Variants in PLCH2 observed in about 807,000 individuals in gnomAD.
PLCH2 encodes phospholipase C eta 2.
Under a neutral mutation model 134.7 loss-of-function variants are expected in PLCH2, and 98 were observed. The ratio of observed to expected loss-of-function variants is 0.73; its 90% CI spans 0.62 to 0.86. PLCH2 has a LOEUF of 0.86. Ranked by LOEUF, PLCH2 falls within the 40% of genes least tolerant of loss-of-function variation. The pLI is 0.00. For missense variants in PLCH2, 1,994 were observed against 1,986.6 expected (o/e 1.00, Z -0.07); for synonymous variants, 974 against 827.5 (o/e 1.18, Z -3.04).
chr1:2,444,385 T>A lies in PLCH2; in HGVS notation c.115+13756T>A, dbSNP rs1269634415. Among the ~76,000 whole-genome samples, 1 of 152,168 alleles carries A rather than the reference T, an allele frequency of 6.6e-6. No individual in the cohort carries two copies. Among genetic ancestry groups the A allele is most frequent in the African/African-American group, 2.4e-5 (1 of 41,450 alleles). ...CTGCGTGGACTTGCCGCATGGCACA[T>A]CTGCCTGGGCTGCAGGTGCTCATCT... On this transcript the variant is annotated intron_variant, in intron 2 of 3. Coordinates refer to the PLCH2 transcript ENST00000609981. The surrounding 1 kb of genome is among the most constrained non-coding windows in gnomAD (Gnocchi z 4.6).
In PLCH2 at chr1:2,487,370, G is replaced by A. The variant is rs752247217; in HGVS notation, c.1108G>A (p.Val370Met). Residue 370 changes from valine (V) to methionine (M), a missense_variant, in exon 7 of 22, where the codon GTG becomes ATG. Around this residue, in one of 2 missense-constraint regions of PLCH2, gnomAD observed 1,094 missense variants for 1,234.3 expected, o/e 0.89. Coordinates refer to ENST00000378486, the MANE Select transcript of PLCH2 (RefSeq NM_014638.4). ...GGTCCTGCAGGCTGGCTGCCGCTGC[G>A]TGGAGGGTAAGCCCTGGACCTTGGG... ...AWVLQAGCRCVEVDCWDGPDG... is the reference protein window; with the variant it reads ...AWVLQAGCRCMEVDCWDGPDG... The A allele has an allele frequency of 2.0e-5, 33 of 1,612,180 alleles. No individual in the cohort carries two copies. Among genetic ancestry groups the A allele is most frequent in the South Asian group, 6.6e-5 (6 of 91,008 alleles).
At chr1:2,436,437 C>CACCTT (rs1557943583) in intron 2 of PLCH2, among the ~76,000 whole-genome samples, 5 of 43,310 alleles carry the variant, frequency 1.2e-4, no homozygotes, top group Admixed American at 2.3e-4. Flanking sequence ...TTTCTCCCTC[C>CACCTT]TCCCTTCCTC....
At chr1:2,494,435 G>A in intron 11 of PLCH2, 1 of 302,446 alleles carries the variant, frequency 3.3e-6, no homozygotes, top group South Asian at 2.9e-5. Context: ...AACAGGTCAG[G>A]GCCGTGGAAT....
At chr1:2,493,209 T>G (rs1034710664) in intron 11 of PLCH2, 1 of 152,318 alleles carries the variant, frequency 6.6e-6, no homozygotes, top group Non-Finnish European at 1.5e-5. Flanking sequence ...GTACGGGCTG[T>G]GTCTGGCCGT....
In PLCH2 at chr1:2,504,185, C is replaced by A; in HGVS notation, c.3223C>A (p.Gln1075Lys). Reference protein sequence around the residue: ...GGAYERAPGSQTDGRSQPRTL... With the variant: ...GGAYERAPGSKTDGRSQPRTL... ...GGCATACGAGAGGGCCCCCGGCAGC[C>A]AGACGGACGGCAGGAGCCAGCCCCG... The change falls in exon 22 of 22, where the codon CAG becomes AAG. Residue 1075 changes from glutamine to lysine, a missense_variant. Transcript: ENST00000378486. The A allele has an allele frequency of 1.3e-6, 2 of 1,543,150 alleles. No individual in the cohort carries two copies. The highest frequency in any genetic ancestry group is 8.7e-7 in the Non-Finnish European group (1 of 1,145,518).
intron 2 of PLCH2, among the ~76,000 whole-genome samples, chr1:2,453,797 T>C (rs34211380): frequency 0.62 from 94,131 of 152,088 alleles, 30,487 homozygotes; most frequent in East Asian, 0.87. Context: ...GGGTCCAGCC[T>C]GGTGCCTGTC....
At chr1:2,433,717 GAA>G (rs1639181383) in intron 2 of PLCH2, among the ~76,000 whole-genome samples, 2 of 152,264 alleles carry the variant, frequency 1.3e-5, no homozygotes, top group Middle Eastern at 6.8e-3. Flanking sequence ...AGATGCTTTG[GAA>G]AATACAGAAA....
At chr1:2,500,930 C>T (rs1011916274) in intron 20 of PLCH2, 13 of 149,462 alleles carry the variant, frequency 8.7e-5, no homozygotes, top group Admixed American at 7.9e-4. Flanking sequence ...TCCTATCCCC[C>T]TCCTTCTCTC....
chr1:2,449,837 C>T (rs1247756940), intron 2 of PLCH2, among the ~76,000 whole-genome samples: 2 of 152,230 alleles, frequency 1.3e-5, no homozygotes, highest in Admixed American at 6.5e-5. Flanking sequence ...CCAGCCTCGC[C>T]CCGTCCTGCC....
At chr1:2,497,126 T>C (rs900022696) in intron 15 of PLCH2, 116 bp downstream of exon 15, 2 of 1,047,722 alleles carry the variant, frequency 1.9e-6, no homozygotes, top group Admixed American at 2.6e-5. Context: ...CTGGGCTCTA[T>C]TGCCCTTGGA....
chr1:2,452,816 C>G (rs1640309164), intron 2 of PLCH2, among the ~76,000 whole-genome samples: 3 of 152,252 alleles, frequency 2.0e-5, no homozygotes, highest in Non-Finnish European at 4.4e-5. Flanking sequence ...GCCGCTGGGC[C>G]TGGCCCCGGG....
chr1:2,418,851 T>A, the PLCH2 span, among the ~76,000 whole-genome samples: 3 of 152,336 alleles, frequency 2.0e-5, no homozygotes, highest in Non-Finnish European at 4.4e-5. Flanking sequence ...GATCTCCCAG[T>A]GCCCAGTTAT....
At chr1:2,491,668 G>A (rs1186251624) in intron 11 of PLCH2, among the ~76,000 whole-genome samples, 2 of 152,264 alleles carry the variant, frequency 1.3e-5, no homozygotes, top group African/African-American at 2.4e-5. Flanking sequence ...GGGCTGTCAT[G>A]GCAGACACAA....
At chr1:2,488,483 A>G (rs1178577713) in intron 8 of PLCH2, among the ~76,000 whole-genome samples, 1 of 152,206 alleles carries the variant, frequency 6.6e-6, no homozygotes, top group Non-Finnish European at 1.5e-5. Context: ...AAGTGGGGGA[A>G]TGAGCCCCTG....
intron 2 of PLCH2, among the ~76,000 whole-genome samples, chr1:2,446,894 CGT>C (rs1355058503): frequency 6.6e-6 from 1 of 152,222 alleles, no homozygotes; most frequent in African/African-American, 2.4e-5. Context: ...CCTGCAGCCC[CGT>C]GTGTGTGTGC....
chr1:2,416,437 G>A, the PLCH2 span, among the ~76,000 whole-genome samples: 3 of 152,358 alleles, frequency 2.0e-5, no homozygotes, highest in East Asian at 3.9e-4. Context: ...CCCTCGCAGT[G>A]CCAGCCACAA....
chr1:2,429,337 G>A (rs1302858948), intron 1 of PLCH2, among the ~76,000 whole-genome samples: 4 of 152,180 alleles, frequency 2.6e-5, no homozygotes, highest in Non-Finnish European at 4.4e-5. Context: ...AAGAATCCAG[G>A]CCTAATGGCC....
In PLCH2 at chr1:2,502,705, T is replaced by C; in HGVS notation, c.2959+296T>C. 8.4e-6 allele frequency: 6 copies of C among 712,648 alleles called. No homozygotes were observed. The Admixed American group carries it at 1.0e-4, about 12-fold the overall frequency. The allele number at this position is 712,648 out of a possible 1,614,324, so 44.1% of individuals were successfully genotyped here. A position where few individuals can be genotyped will look rare whatever the true frequency, so the allele number is the denominator to read the frequency against. ...GGAGAAGCAGAGAGGCCCCCAAGGG[T>C]CCTGGGGCCTGGAGGCAGGGTCCAG... On this transcript the variant is annotated intron_variant, in intron 21 of 21. Coordinates refer to ENST00000378486, the MANE Select transcript of PLCH2 (RefSeq NM_014638.4).
At chr1:2,470,130 C>T (rs900851021) in intron 1 of PLCH2, among the ~76,000 whole-genome samples, 13 of 152,174 alleles carry the variant, frequency 8.5e-5, no homozygotes, top group South Asian at 2.1e-4. Flanking sequence ...TCAGACCTGG[C>T]GACCCAGGAA....
Sources: allele counts gnomAD v4.1 joint callset (sites outside exome capture counted in the v4.1 genomes callset), GRCh38; gene constraint gnomAD v4.1.1; regional missense constraint gnomAD v4.1.1; non-coding constraint Gnocchi (gnomAD v3.1); transcripts MANE v1.5; gene names NCBI Gene and HGNC (gene_info 2026-07-23, HGNC 2026-07-21).